Variants in ZCWPW1 observed in about 807,000 individuals in gnomAD.
The protein encoded by ZCWPW1 is zinc finger CW-type PWWP domain protein 1.
Under a neutral mutation model 81.3 loss-of-function variants are expected in ZCWPW1, and 56 were observed. The observed-to-expected ratio is 0.69, with a 90% CI of 0.56 to 0.86. ZCWPW1 has a LOEUF of 0.86. ZCWPW1 is among the 40% of genes least tolerant of loss of function. The pLI, the probability that ZCWPW1 is intolerant of heterozygous loss-of-function variation, is 0.00. For missense variants in ZCWPW1, 650 were observed against 769.8 expected (o/e 0.84, Z 1.84); for synonymous variants, 250 against 273.7 (o/e 0.91, Z 0.86).
At chr7:100,407,400 AT>A in intron 10 of ZCWPW1, 97 bp from the exon 11 acceptor site, 13 of 1,142,330 alleles carry the variant, frequency 1.1e-5, no homozygotes, top group South Asian at 2.7e-5. Flanking sequence ...GAGCAGTATG[AT>A]TTTTTTTCTG....
At chr7:100,403,552 G>T in intron 15 of ZCWPW1, 142 bp downstream of exon 15, 1 of 590,632 alleles carries the variant, frequency 1.7e-6, no homozygotes, top group South Asian at 2.0e-5. Flanking sequence ...GGCCAGGTGT[G>T]GTGGCTCATG....
At chr7:100,424,809 T>C (rs1340518038) in intron 2 of ZCWPW1, among the ~76,000 whole-genome samples, 1 of 152,182 alleles carries the variant, frequency 6.6e-6, no homozygotes, top group Non-Finnish European at 1.5e-5. Flanking sequence ...AACCTAAAAA[T>C]GCAAACATTT....
intron 8 of ZCWPW1, 44 bp from the exon 9 acceptor site, chr7:100,409,588 C>A (rs780840336): frequency 7.0e-6 from 10 of 1,421,788 alleles, no homozygotes; most frequent in Non-Finnish European, 9.9e-6. Flanking sequence ...AAAATATGCT[C>A]TTCCTTCTTT....
chr7:100,411,611 A>C (rs911275516), intron 8 of ZCWPW1, among the ~76,000 whole-genome samples: 1 of 152,168 alleles, frequency 6.6e-6, no homozygotes, highest in Non-Finnish European at 1.5e-5. Context: ...GTTGGGACTA[A>C]TATGTTAGTC....
At chr7:100,416,591 C>CT in intron 6 of ZCWPW1, 135 bp from the exon 7 acceptor site, 1 of 860,110 alleles carries the variant, frequency 1.2e-6, no homozygotes, top group East Asian at 2.7e-5. Flanking sequence ...TTTCATCCAT[C>CT]TACTTGCCTA....
chr7:100,428,361 G>T (rs1343140721), intron 1 of ZCWPW1, among the ~76,000 whole-genome samples: 1 of 152,194 alleles, frequency 6.6e-6, no homozygotes, highest in Non-Finnish European at 1.5e-5. Flanking sequence ...CCGCAGCTGA[G>T]GTAAATCCGC....
rs754555042 is a variant in ZCWPW1, at chr7:100,401,906, G to C, written c.1610C>G (p.Ser537Ter). The C allele has an allele frequency of 1.2e-6, 2 of 1,613,278 alleles. No individual in the cohort carries two copies. The highest frequency in any genetic ancestry group is 1.7e-6 in the Non-Finnish European group (2 of 1,179,580). ...RMGRKEGQGN[S>*]DSDQPGPKKK... ...AGCCTTACCTGGCTGGTCAGAATCT[G>C]AATTCCCTTGGCCTTCTTTCCTTCC... Residue 537 changes from serine (S) to a stop codon, truncating the protein, a stop_gained, in exon 17 of 18, where the codon TCA becomes TGA. Transcript: ENST00000684423. LOFTEE classifies it low-confidence loss of function (END_TRUNC).
chr7:100,407,279 A>G lies in ZCWPW1; in HGVS notation c.1017T>C (p.Asp339=). ...AAAGAAAATATTCCCCTAAGTCAGG[A>G]TCAGATTCTATCATGCCTGGCCACC... ...YPWWPGMIES[D]PDLGEYFLFT... is the part of the protein sequence containing the mutation. The change falls in exon 11 of 18, where the codon GAT becomes GAC. Residue 339 remains aspartate (D), a synonymous_variant. Coordinates refer to ENST00000684423, the MANE Select transcript of ZCWPW1 (RefSeq NM_001386010.1). 6.2e-7 allele frequency: 1 copy of G among 1,613,850 alleles called. No individual in the cohort carries two copies.
rs965619976 is a variant in ZCWPW1 at position 100,420,684 on chromosome 7, A to AG, written c.-29-7dup. 3.7e-6 allele frequency: 6 copies of AG among 1,612,996 alleles called. No homozygotes were observed. Among genetic ancestry groups the AG allele is most frequent in the Non-Finnish European group, 5.1e-6 (6 of 1,179,712 alleles). ...AAACTACGCTTTGTGTGCCTCTGTTAGAAAAAAGAAATTAACTGCTATGAC... is the reference window on the plus strand; with the variant it reads ...AAACTACGCTTTGTGTGCCTCTGTTAGGAAAAAAGAAATTAACTGCTATGAC... On this transcript the variant is annotated splice_polypyrimidine_tract_variant and splice_region_variant and intron_variant, in intron 2 of 17. Transcript: ENST00000684423.
rs753946883 is a variant in ZCWPW1 at position 100,409,417 on chromosome 7, G to A, written c.871+11C>T. On this transcript the variant is annotated intron_variant, in intron 9 of 17. Coordinates refer to ENST00000684423, the MANE Select transcript of ZCWPW1 (RefSeq NM_001386010.1). Reference sequence around the variant, plus strand: ...TAAAACATGAATGAAAACATTTCCAGTCTTTTCTACCTGTGTTCTGATCAC... The same window carrying A: ...TAAAACATGAATGAAAACATTTCCAATCTTTTCTACCTGTGTTCTGATCAC... 1.3e-6 allele frequency: 2 copies of A among 1,585,864 alleles called. No homozygotes were observed. Among genetic ancestry groups the A allele is most frequent in the South Asian group, 2.2e-5 (2 of 89,632 alleles).
chr7:100,400,979 A>C lies in ZCWPW1; in HGVS notation c.*35T>G. 1 of 1,560,830 alleles carries C rather than the reference A, an allele frequency of 6.4e-7. No individual in the cohort carries two copies. The highest frequency in any genetic ancestry group is 8.7e-7 in the Non-Finnish European group (1 of 1,153,936). ...GCAACTTCTCCCTCCTGCGCCCCAG[A>C]GAAGGGAGAAAAAGAGGGAGCAGAG... On this transcript the variant is annotated 3_prime_UTR_variant, in exon 18 of 18. Coordinates refer to ENST00000684423, the MANE Select transcript of ZCWPW1 (RefSeq NM_001386010.1).
intron 9 of ZCWPW1, 152 bp downstream of exon 9, chr7:100,409,276 C>A: frequency 1.6e-6 from 1 of 619,870 alleles, no homozygotes. Flanking sequence ...GATTCATCTC[C>A]ATATGAGAGG....
intron 12 of ZCWPW1, among the ~76,000 whole-genome samples, chr7:100,405,432 GAA>G (rs150780493): frequency 6.9e-6 from 1 of 144,344 alleles, no homozygotes; most frequent in Non-Finnish European, 1.5e-5. Flanking sequence ...ATCTCAAAAA[GAA>G]AAAAAAAAGA....
rs201890147 is a variant in ZCWPW1 at position 100,424,070 on chromosome 7, C to CAA, written c.-30+958_-30+959dup. On this transcript the variant is annotated intron_variant, in intron 2 of 17. Coordinates refer to ENST00000684423, the MANE Select transcript of ZCWPW1 (RefSeq NM_001386010.1). ...GGGCAACAAGAACAAAACTCCGTCTCAAAAAAAAAAAAAAAAAAGACTGGG... is the reference window on the plus strand; with the variant it reads ...GGGCAACAAGAACAAAACTCCGTCTCAAAAAAAAAAAAAAAAAAAAGACTGGG... Among the ~76,000 whole-genome samples, 315 of 53,028 alleles carry CAA rather than the reference C, an allele frequency of 5.9e-3. 1 individual carries two copies. Among genetic ancestry groups the CAA allele is most frequent in the African/African-American group, 0.021 (296 of 14,164 alleles). 34.8% of individuals were successfully genotyped at this position (53,028 alleles called of 152,430 possible).
At chr7:100,415,861 CT>C in intron 8 of ZCWPW1, 113 bp downstream of exon 8, 1 of 1,340,826 alleles carries the variant, frequency 7.5e-7, no homozygotes, top group Non-Finnish European at 1.0e-6. Context: ...CAACAAGCAG[CT>C]GTGAGAGATT....
chr7:100,408,836 AACCAGC>A (rs1793587413), intron 9 of ZCWPW1, among the ~76,000 whole-genome samples, 177 bp from the exon 10 acceptor site: 1 of 135,034 alleles, frequency 7.4e-6, no homozygotes, highest in African/African-American at 3.5e-5. Context: ...ATGCAGCTGG[AACCAGC>A]TGAAATGCAG....
Position 100,416,495 on chromosome 7 carries a change from G to A in ZCWPW1, c.480-39C>T, listed in dbSNP as rs200159830. 3.1e-6 allele frequency: 5 copies of A among 1,604,650 alleles called. No individual in the cohort carries two copies. In the East Asian group the frequency reaches 6.7e-5, roughly 22 times the overall value. On this transcript the variant is annotated intron_variant, in intron 6 of 17. Transcript: ENST00000684423. ...TTTATTTTAATGAAAGGTAAAAATA[G>A]AGCAATTGCAGAACTCTTCTTCTGA...
intron 2 of ZCWPW1, among the ~76,000 whole-genome samples, chr7:100,421,353 T>C (rs1796305540): frequency 1.3e-5 from 2 of 152,184 alleles, no homozygotes; most frequent in South Asian, 2.1e-4. Flanking sequence ...GATAGCCTCA[T>C]TTCATAAGCC....
At position 100,406,214 on chromosome 7, in the gene ZCWPW1, C is replaced by G. The variant is rs371600162; in HGVS notation, c.1173+480G>C. On this transcript the variant is annotated intron_variant, in intron 12 of 17. Coordinates refer to ENST00000684423, the MANE Select transcript of ZCWPW1 (RefSeq NM_001386010.1). The stretch of plus-strand genomic sequence containing the variant: ...GGTAGACTGTGCCCCCCAGAAGGCA[C>G]CTGGCAATGGCTGGAGATAATTTTT... 6.6e-5 allele frequency among the ~76,000 whole-genome samples: 10 copies of G among 152,260 alleles called. 1 individual carries two copies. The East Asian group carries it at 1.4e-3, about 21-fold the overall frequency.
Sources: gnomAD v4.1 joint callset for allele counts (sites outside exome capture counted in the v4.1 genomes callset) on GRCh38, gnomAD v4.1.1 for gene constraint, MANE v1.5 for transcripts, NCBI Gene and HGNC (gene_info 2026-07-23, HGNC 2026-07-21) for gene names.